TMEM132C: variants seen among roughly 807,000 people sequenced by gnomAD.
The protein encoded by TMEM132C is protein phosphatase 1, regulatory subunit 152.
Under a neutral mutation model 61.4 loss-of-function variants are expected in TMEM132C, and 29 were observed. The ratio of observed to expected loss-of-function variants is 0.47; its 90% CI spans 0.35 to 0.64. The LOEUF is 0.64. Ranked by LOEUF, TMEM132C falls within the 30% of genes least tolerant of loss-of-function variation. The pLI is 0.00. For missense variants in TMEM132C, 1,408 were observed against 1,476.9 expected (o/e 0.95, Z 0.76); for synonymous variants, 656 against 633.1 (o/e 1.04, Z -0.54).
At chr12:128,677,031 A>G (rs946833973) in intron 5 of TMEM132C, among the ~76,000 whole-genome samples, 3 of 152,242 alleles carry the variant, frequency 2.0e-5, no homozygotes, top group Non-Finnish European at 4.4e-5. Context: ...TTGCCCAACA[A>G]TAACCCCAGG....
chr12:128,436,638 A>G (rs1869601742), intron 2 of TMEM132C, among the ~76,000 whole-genome samples: 1 of 152,234 alleles, frequency 6.6e-6, no homozygotes. Context: ...TTAAAAAGTC[A>G]GGAAACAACA....
At chr12:128,281,768 T>C (rs1284813956) in intron 1 of TMEM132C, among the ~76,000 whole-genome samples, 1 of 152,194 alleles carries the variant, frequency 6.6e-6, no homozygotes, top group Non-Finnish European at 1.5e-5. Context: ...TGTGCCTTTG[T>C]CTCCCCATGA....
intron 5 of TMEM132C, 64 bp downstream of exon 5, chr12:128,669,624 T>A: frequency 6.6e-7 from 1 of 1,524,408 alleles, no homozygotes. Context: ...TCCCGTTTGC[T>A]AGGGACATTT....
In TMEM132C at chr12:128,630,413, G is replaced by A. The variant is rs1359849681; in HGVS notation, c.1305+14078G>A. Among the ~76,000 whole-genome samples the A allele has an allele frequency of 6.6e-6, 1 of 152,148 alleles. No homozygotes were observed. Among genetic ancestry groups the A allele is most frequent in the East Asian group, 1.9e-4 (1 of 5,188 alleles). ...TCCATGCACATCCAAGATTCAGCACGGCTGCCCTTGAACTTCTCACAGCTG... is the reference window on the plus strand; with the variant it reads ...TCCATGCACATCCAAGATTCAGCACAGCTGCCCTTGAACTTCTCACAGCTG... On this transcript the variant is annotated intron_variant, in intron 4 of 8. Transcript: ENST00000435159. The surrounding 1 kb of genome is among the most constrained non-coding windows in gnomAD (Gnocchi z 4.3).
At chr12:128,422,790 A>T (rs1462675767) in intron 2 of TMEM132C, among the ~76,000 whole-genome samples, 1 of 152,212 alleles carries the variant, frequency 6.6e-6, no homozygotes, top group African/African-American at 2.4e-5. Context: ...CAGTAGAAAA[A>T]GTCCAGTAGC....
At chr12:128,594,509 T>A (rs2135568843) in intron 3 of TMEM132C, among the ~76,000 whole-genome samples, 1 of 152,140 alleles carries the variant, frequency 6.6e-6, no homozygotes. Context: ...CATTGCACGG[T>A]GCAAATGGAG....
At chr12:128,554,317 G>A (rs558380704) in intron 3 of TMEM132C, among the ~76,000 whole-genome samples, 6 of 152,324 alleles carry the variant, frequency 3.9e-5, no homozygotes, top group African/African-American at 1.4e-4. Flanking sequence ...GTGAGAGGCG[G>A]GGAGGGTGGC....
intron 3 of TMEM132C, among the ~76,000 whole-genome samples, chr12:128,610,226 G>C (rs1876586137): frequency 6.6e-6 from 1 of 152,196 alleles, no homozygotes; most frequent in Non-Finnish European, 1.5e-5. Context: ...TCCTGAAGCG[G>C]CTTCCCTATG....
chr12:128,699,464 C>A (rs2135658892), intron 8 of TMEM132C, among the ~76,000 whole-genome samples: 1 of 152,296 alleles, frequency 6.6e-6, no homozygotes, highest in African/African-American at 2.4e-5. Context: ...CAATTCTTGG[C>A]AGGTTACTGG....
At chr12:128,607,000 A>G (rs1437714185) in intron 3 of TMEM132C, among the ~76,000 whole-genome samples, 2 of 152,164 alleles carry the variant, frequency 1.3e-5, no homozygotes, top group African/African-American at 4.8e-5. Flanking sequence ...AAATACGATG[A>G]ATAAGGAAGA....
intron 2 of TMEM132C, among the ~76,000 whole-genome samples, chr12:128,514,175 C>A (rs1397401869): frequency 1.3e-5 from 2 of 152,298 alleles, no homozygotes; most frequent in Middle Eastern, 3.4e-3. Flanking sequence ...TGGCGGCACC[C>A]CTGAAGCCCA....
chr12:128,574,264 A>T (rs1875011546), intron 3 of TMEM132C, among the ~76,000 whole-genome samples: 1 of 152,182 alleles, frequency 6.6e-6, no homozygotes, highest in African/African-American at 2.4e-5. Flanking sequence ...ATCAATACTT[A>T]TTAGTTACGG....
intron 2 of TMEM132C, among the ~76,000 whole-genome samples, chr12:128,483,581 G>A (rs980023135): frequency 2.0e-5 from 3 of 152,060 alleles, no homozygotes; most frequent in Non-Finnish European, 4.4e-5. Flanking sequence ...GTTGCTATAA[G>A]GATTGGGATA....
At chr12:128,553,309 T>G (rs927353507) in intron 3 of TMEM132C, among the ~76,000 whole-genome samples, 1 of 151,850 alleles carries the variant, frequency 6.6e-6, no homozygotes, top group Non-Finnish European at 1.5e-5. Flanking sequence ...TCTCCTTACC[T>G]TTTTATTAGG....
intron 5 of TMEM132C, among the ~76,000 whole-genome samples, chr12:128,691,061 A>T (rs921977386): frequency 2.0e-5 from 3 of 152,234 alleles, no homozygotes; most frequent in African/African-American, 7.2e-5. Flanking sequence ...AAGCTACATG[A>T]TCTAGACAGA....
rs528086294 is a variant in TMEM132C at position 128,469,115 on chromosome 12, C to T, written c.974+53495C>T. On this transcript the variant is annotated intron_variant, in intron 2 of 8. Transcript: ENST00000435159. ...CAAAAGGGATCATTTACGATGTTTT[C>T]GTGACATGAGGAAATGGAAACATTT... Among the ~76,000 whole-genome samples, 14 of 152,228 alleles carry T rather than the reference C, an allele frequency of 9.2e-5. No individual in the cohort carries two copies. In the East Asian group the frequency reaches 1.5e-3, roughly 17 times the overall value.
chr12:128,496,842 A>C (rs1230005547), intron 2 of TMEM132C, among the ~76,000 whole-genome samples: 2 of 152,240 alleles, frequency 1.3e-5, no homozygotes, highest in South Asian at 2.1e-4. Context: ...CGTCAAAGTC[A>C]TTCTCCATCC....
intron 3 of TMEM132C, among the ~76,000 whole-genome samples, chr12:128,607,654 A>G (rs188821408): frequency 2.0e-5 from 3 of 152,304 alleles, no homozygotes; most frequent in Admixed American, 2.0e-4. Flanking sequence ...GAGAGCATTC[A>G]AGAATGACTC....
chr12:128,482,014 G>A (rs1490944817), intron 2 of TMEM132C, among the ~76,000 whole-genome samples: 1 of 152,174 alleles, frequency 6.6e-6, no homozygotes, highest in Non-Finnish European at 1.5e-5. Flanking sequence ...CATTCAGTGT[G>A]ATATTGGCTG....
Sources: allele counts gnomAD v4.1 joint callset (sites outside exome capture counted in the v4.1 genomes callset), GRCh38; gene constraint gnomAD v4.1.1; non-coding constraint Gnocchi (gnomAD v3.1); transcripts MANE v1.5; gene names NCBI Gene and HGNC (gene_info 2026-07-23, HGNC 2026-07-21).